Variants in MED27 observed in about 807,000 individuals in gnomAD.
The protein encoded by MED27 is mediator of RNA polymerase II transcription subunit 27.
In MED27, 30 loss-of-function variants were observed where a neutral mutation model predicts 38.2. The ratio of observed to expected loss-of-function variants is 0.79; its 90% CI spans 0.59 to 1.07. The LOEUF is 1.07. MED27 is among the 50% of genes least tolerant of loss of function. MED27 has a pLI of 0.00. For synonymous variants in MED27, 122 were observed against 153.5 expected, an observed-to-expected ratio of 0.79 and a Z score of 1.52; for missense variants, 289 against 397.5, an observed-to-expected ratio of 0.73 and a Z score of 2.32.
intron 2 of MED27, among the ~76,000 whole-genome samples, chr9:132,072,140 C>A (rs1311103410): frequency 1.3e-5 from 2 of 152,214 alleles, no homozygotes; most frequent in East Asian, 1.9e-4. Context: ...AAGTAACACA[C>A]GTTCCATAAA....
chr9:132,016,866 C>A (rs1048728939), intron 2 of MED27, among the ~76,000 whole-genome samples: 24 of 152,262 alleles, frequency 1.6e-4, no homozygotes, highest in Admixed American at 1.4e-3. Flanking sequence ...AACAAAAACC[C>A]AAAACAGCAG....
chr9:131,884,420 CA>C lies in MED27; in HGVS notation c.682-322del, dbSNP rs571305326. Among the ~76,000 whole-genome samples the C allele has an allele frequency of 5.3e-5, 8 of 152,298 alleles. No homozygotes were observed. In the South Asian group the frequency reaches 1.4e-3, roughly 28 times the overall value. ...CCACGGCTCTTGCATATCTCAATGC[CA>C]AGGTCAATGCTGCCTCAGGCCCTTT... On this transcript the variant is annotated intron_variant, in intron 5 of 7. Transcript: ENST00000292035.
chr9:132,071,703 G>A (rs955458351), intron 2 of MED27, among the ~76,000 whole-genome samples: 9 of 150,132 alleles, frequency 6.0e-5, no homozygotes, highest in East Asian at 2.0e-4. Flanking sequence ...AGTAACACGC[G>A]TCCATGAACA....
At chr9:132,018,356 A>G (rs1278952381) in intron 2 of MED27, among the ~76,000 whole-genome samples, 3 of 152,186 alleles carry the variant, frequency 2.0e-5, no homozygotes, top group Non-Finnish European at 4.4e-5. Flanking sequence ...CAAATACTGG[A>G]AGCAAATGAT....
intron 2 of MED27, among the ~76,000 whole-genome samples, chr9:132,039,501 C>T (rs758767233): frequency 2.2e-4 from 34 of 152,320 alleles, no homozygotes; most frequent in Admixed American, 5.2e-4. Flanking sequence ...TGAGTCGTAA[C>T]AGTGCAGCTC....
intron 6 of MED27, among the ~76,000 whole-genome samples, chr9:131,882,348 TG>T (rs1323250034): frequency 6.6e-6 from 1 of 152,180 alleles, no homozygotes; most frequent in African/African-American, 2.4e-5. Context: ...GATTTTCTTG[TG>T]GGGTAAGGAA....
At chr9:132,069,989 C>T (rs976983324) in intron 2 of MED27, among the ~76,000 whole-genome samples, 3 of 152,202 alleles carry the variant, frequency 2.0e-5, no homozygotes, top group African/African-American at 4.8e-5. Context: ...CACTGGGCAC[C>T]GGCCTAGGTC....
At chr9:131,957,307 T>C (rs886810307) in intron 3 of MED27, among the ~76,000 whole-genome samples, 5 of 151,978 alleles carry the variant, frequency 3.3e-5, no homozygotes, top group Non-Finnish European at 7.4e-5. Context: ...GGCTGGAGTG[T>C]GCGGTGATGT....
chr9:131,968,598 G>A (rs559016675), intron 3 of MED27, among the ~76,000 whole-genome samples: 1 of 152,252 alleles, frequency 6.6e-6, no homozygotes, highest in Non-Finnish European at 1.5e-5. Context: ...TTACTAAGGG[G>A]CAGAGATGGG....
intron 4 of MED27, among the ~76,000 whole-genome samples, chr9:131,933,966 A>T (rs1037060783): frequency 6.6e-6 from 1 of 152,212 alleles, no homozygotes; most frequent in Admixed American, 6.5e-5. Context: ...GCCCAGAAAC[A>T]AATCCATACG....
At chr9:132,055,344 C>T (rs1194893991) in intron 2 of MED27, among the ~76,000 whole-genome samples, 2 of 152,338 alleles carry the variant, frequency 1.3e-5, no homozygotes, top group Admixed American at 6.5e-5. Context: ...TTTTCATTAA[C>T]GCTCACCAAG....
chr9:131,978,721 A>G (rs964735941), intron 3 of MED27, among the ~76,000 whole-genome samples: 1 of 152,264 alleles, frequency 6.6e-6, no homozygotes, highest in Admixed American at 6.5e-5. Flanking sequence ...CTGTCCAAGC[A>G]TGGTTTCACT....
intron 3 of MED27, among the ~76,000 whole-genome samples, chr9:132,012,600 G>C (rs1340117768): frequency 4.6e-5 from 7 of 152,092 alleles, no homozygotes; most frequent in African/African-American, 1.7e-4. Context: ...CTCTTCACTG[G>C]TCTTTCTCCT....
chr9:131,907,988 C>T (rs1478662847), intron 4 of MED27, among the ~76,000 whole-genome samples: 4 of 151,192 alleles, frequency 2.6e-5, no homozygotes, highest in Non-Finnish European at 5.9e-5. Flanking sequence ...CTGGCAACCG[C>T]CCCGTCTGAG....
intron 3 of MED27, among the ~76,000 whole-genome samples, chr9:131,959,625 A>G (rs1831174451): frequency 6.6e-6 from 1 of 152,188 alleles, no homozygotes; most frequent in South Asian, 2.1e-4. Context: ...AGTTCGATAC[A>G]CATTTCCTAA....
chr9:132,052,721 T>G (rs1208622643), intron 2 of MED27, among the ~76,000 whole-genome samples: 1 of 130,542 alleles, frequency 7.7e-6, no homozygotes, highest in Non-Finnish European at 1.6e-5. Flanking sequence ...TCTGTGTCCA[T>G]GTGCACACAT....
chr9:131,881,800 C>T (rs10901107), intron 6 of MED27, among the ~76,000 whole-genome samples: 23 of 60,980 alleles, frequency 3.8e-4, no homozygotes, highest in East Asian at 2.1e-3. Context: ...TCTTCTTCTT[C>T]TTTTTTTTTT....
chr9:131,901,708 C>T (rs1564275720), intron 4 of MED27, among the ~76,000 whole-genome samples: 2 of 152,132 alleles, frequency 1.3e-5, no homozygotes, highest in South Asian at 2.1e-4. Context: ...TTTTTAGATA[C>T]GGTCTGTAAA....
intron 3 of MED27, among the ~76,000 whole-genome samples, chr9:131,998,234 C>T (rs1399197839): frequency 6.6e-6 from 1 of 150,690 alleles, no homozygotes; most frequent in Non-Finnish European, 1.5e-5. Flanking sequence ...TCTATAATAC[C>T]ACTCAAAAGC....
Sources: allele counts gnomAD v4.1 joint callset (sites outside exome capture counted in the v4.1 genomes callset), GRCh38; gene constraint gnomAD v4.1.1; transcripts MANE v1.5; gene names NCBI Gene and HGNC (gene_info 2026-07-23, HGNC 2026-07-21).